The following CDC42BPG variants were observed in gnomAD, a reference collection of about 807,000 sequenced individuals.
CDC42BPG encodes serine/threonine-protein kinase MRCK gamma.
A neutral mutation model predicts 192.2 loss-of-function variants in CDC42BPG; 157 were observed. The observed-to-expected ratio is 0.82, with a 90% confidence interval of 0.72 to 0.93. The LOEUF (loss-of-function observed/expected upper bound fraction) is 0.93, where lower values mean the gene tolerates loss of function less well. Among genes scored for constraint, CDC42BPG ranks in the 40% least tolerant of loss-of-function variants. The probability of loss-of-function intolerance (pLI) is 0.00; values close to 1 mark genes in which losing one functional copy is unlikely to be tolerated. For missense variants in CDC42BPG, 1,992 were observed against 2,122.1 expected, an observed-to-expected ratio of 0.94 and a Z score of 1.20; for synonymous variants, 981 against 918.5, an observed-to-expected ratio of 1.07 and a Z score of -1.23.
rs747435636 is a variant in CDC42BPG, at chr11:64,835,856, G to A, written c.1669-5C>T. 5 of 1,606,578 alleles carry A rather than the reference G, an allele frequency of 3.1e-6. No homozygotes were observed. In the African/African-American group the frequency reaches 5.3e-5, roughly 17 times the overall value. ...GGAGGACACCTGGGCCTCCAGCTGT[G>A]AGGGGTGCAGAGGCAGGCCACTGCC... On this transcript the variant is annotated splice_region_variant and splice_polypyrimidine_tract_variant and intron_variant, in intron 13 of 36. Transcript: ENST00000342711.
In CDC42BPG at chr11:64,834,282, C is replaced by T; in HGVS notation, c.2397G>A (p.Arg799=). ...GCCACTCACCCACTGGCCCTCGGGCCCGCAGCTCCTCCCGCAGCATGGCGA... is the reference window on the plus strand; with the variant it reads ...GCCACTCACCCACTGGCCCTCGGGCTCGCAGCTCCTCCCGCAGCATGGCGA... The part of the protein sequence containing the change: ...QELAMLREEL[R]ARGPVDTKPS... The change falls in exon 20 of 37, where the codon CGG becomes CGA. Residue 799 remains arginine (R), a synonymous_variant. Coordinates refer to ENST00000342711, the MANE Select transcript of CDC42BPG (RefSeq NM_017525.3). 1 of 1,576,096 alleles carries T rather than the reference C, an allele frequency of 6.3e-7. No individual in the cohort carries two copies. The highest frequency in any genetic ancestry group is 8.6e-7 in the Non-Finnish European group (1 of 1,166,584).
intron 34 of CDC42BPG, 56 bp from the exon 35 acceptor site, chr11:64,826,850 G>T: frequency 6.9e-7 from 1 of 1,459,390 alleles, no homozygotes. Flanking sequence ...AGGACAAGAG[G>T]CCCAAGGCAC....
chr11:64,841,679 G>T lies in CDC42BPG; in HGVS notation c.307C>A (p.His103Asn). ...TGQIFAMKML[H>N]KWEMLKRAET... ...GCCCTCTTCAGCATCTCCCACTTGT[G>T]CAGCATTTTCATGGCAAAAATCTGC... The change falls in exon 3 of 37, where the codon CAC becomes AAC. Residue 103 changes from histidine (H) to asparagine (N), a missense_variant. His to Asn is a moderately conservative substitution (Grantham distance 68, BLOSUM62 1). This residue lies in a region of CDC42BPG where 1,656 missense variants were observed against 1,844.3 expected (regional missense o/e 0.90). Transcript: ENST00000342711. 1 of 1,613,448 alleles carries T rather than the reference G, an allele frequency of 6.2e-7. No individual in the cohort carries two copies. The highest frequency in any genetic ancestry group is 8.5e-7 in the Non-Finnish European group (1 of 1,179,922).
Position 64,831,704 on chromosome 11 carries a change from C to A in CDC42BPG, c.3105G>T (p.Leu1035=). Residue 1035 remains leucine (L), a synonymous_variant, in exon 28 of 37, where the codon CTG becomes CTT. Coordinates refer to ENST00000342711, the MANE Select transcript of CDC42BPG (RefSeq NM_017525.3). ...PRIFRVTTSQ[L]AVPPTTCTVL... is the part of the protein sequence containing the mutation. The stretch of plus-strand genomic sequence containing the variant: ...CAGTGCACGTGGTGGGCGGCACTGC[C>A]AGCTGGGAGGTTGTCACCTGTGGGC... The A allele has an allele frequency of 6.2e-7, 1 of 1,600,290 alleles. No individual in the cohort carries two copies. Among genetic ancestry groups the A allele is most frequent in the East Asian group, 2.2e-5 (1 of 44,538 alleles).
Position 64,842,469 on chromosome 11 carries a change from C to T in CDC42BPG, c.161-565G>A, listed in dbSNP as rs184295578. ...TAGGGCAGGGAGGACAGGCTCTATGCTTCCCACGTGGGGCCCCTCAGGCTG... is the reference window on the plus strand; with the variant it reads ...TAGGGCAGGGAGGACAGGCTCTATGTTTCCCACGTGGGGCCCCTCAGGCTG... On this transcript the variant is annotated intron_variant, in intron 1 of 36. Transcript: ENST00000342711. Among the ~76,000 whole-genome samples the T allele has an allele frequency of 2.2e-3, 340 of 152,280 alleles. 3 individuals are homozygous for T. Among genetic ancestry groups the T allele is most frequent in the Middle Eastern group, 0.017 (5 of 294 alleles).
At chr11:64,836,879 C>G (rs1943041397) in intron 10 of CDC42BPG, 43 bp downstream of exon 10, 1 of 1,610,352 alleles carries the variant, frequency 6.2e-7, no homozygotes, top group Non-Finnish European at 8.5e-7. Context: ...GCAGCAGCCC[C>G]TAGGGCCAGC....
At chr11:64,840,697 G>C (rs1192350229) in intron 3 of CDC42BPG, 49 bp from the exon 4 acceptor site, 1 of 1,541,120 alleles carries the variant, frequency 6.5e-7, no homozygotes, top group Non-Finnish European at 8.9e-7. Context: ...CAGAGCCCAG[G>C]ATGCCCCCCT....
intron 3 of CDC42BPG, 43 bp from the exon 4 acceptor site, chr11:64,840,691 G>A: frequency 6.4e-7 from 1 of 1,552,214 alleles, no homozygotes; most frequent in African/African-American, 1.4e-5. Flanking sequence ...TGGGATCAGA[G>A]CCCAGGATGC....
Position 64,834,418 on chromosome 11 carries a change from C to G in CDC42BPG, c.2324+11G>C. 1 of 1,563,246 alleles carries G rather than the reference C, an allele frequency of 6.4e-7. No individual in the cohort carries two copies. The highest frequency in any genetic ancestry group is 8.7e-7 in the Non-Finnish European group (1 of 1,155,612). On this transcript the variant is annotated intron_variant, in intron 19 of 36. Coordinates refer to ENST00000342711, the MANE Select transcript of CDC42BPG (RefSeq NM_017525.3). ...CGGGCCCTGGCCCCCAGTGCCTGCC[C>G]CTAGCCTCACCGCTCAGCCTGCAGC...
At chr11:64,840,349 G>C in intron 4 of CDC42BPG, 81 bp from the exon 5 acceptor site, 1 of 1,544,738 alleles carries the variant, frequency 6.5e-7, no homozygotes, top group Non-Finnish European at 8.7e-7. Context: ...GCTCTGGGAA[G>C]GCAGGCCTGC....
At position 64,836,975 on chromosome 11, in the gene CDC42BPG, C is replaced by T. The variant is rs1396542698; in HGVS notation, c.1250G>A (p.Arg417Gln). Residue 417 changes from arginine to glutamine, a missense_variant, in exon 10 of 37, where the codon CGG (arginine) becomes CAG (glutamine). Transcript: ENST00000342711. ...CTCCTGCTCCAGACACTGGAGCTTC[C>T]GCTCCAGGGCAGCCCAAGCCTCAGA... ...SSSEAWAALE[R>Q]KLQCLEQEKV... 1.7e-5 allele frequency: 27 copies of T among 1,613,374 alleles called. No homozygotes were observed. The highest frequency in any genetic ancestry group is 4.4e-5 in the South Asian group (4 of 91,086).
chr11:64,823,074 G>C lies in CDC42BPG; in HGVS notation c.*1399C>G. On this transcript the variant is annotated 3_prime_UTR_variant, in exon 37 of 37. Transcript: ENST00000342711. ...GCAGCTTACAAAGCTGTCTTTATTG[G>C]TTTCCTTTTCTTTTCTTTTTTTTTT... Among the ~76,000 whole-genome samples the C allele has an allele frequency of 6.7e-6, 1 of 148,238 alleles. No homozygotes were observed. The highest frequency in any genetic ancestry group is 1.5e-5 in the Non-Finnish European group (1 of 67,086).
In CDC42BPG at chr11:64,824,414, G is replaced by T; in HGVS notation, c.*59C>A. The T allele has an allele frequency of 8.6e-7, 1 of 1,168,490 alleles. No individual in the cohort carries two copies. Among genetic ancestry groups the T allele is most frequent in the Non-Finnish European group, 1.3e-6 (1 of 771,560 alleles). The allele number at this position is 1,168,490 out of a possible 1,614,324, so 72.4% of individuals were successfully genotyped here. ...CCAGCCGGAGTATGGCATTCCTCAA[G>T]CTCTTTGCTCCCTCATGTCCTTCTG... On this transcript the variant is annotated 3_prime_UTR_variant, in exon 37 of 37. Coordinates refer to ENST00000342711, the MANE Select transcript of CDC42BPG (RefSeq NM_017525.3).
At chr11:64,833,141 C>T in intron 24 of CDC42BPG, 90 bp downstream of exon 24, 1 of 1,260,460 alleles carries the variant, frequency 7.9e-7, no homozygotes, top group South Asian at 1.3e-5. Flanking sequence ...CAGCAGGTGC[C>T]AGTGACCCTG....
chr11:64,841,647 G>C lies in CDC42BPG; in HGVS notation c.336+3C>G, dbSNP rs769238875. 1 of 1,610,666 alleles carries C rather than the reference G, an allele frequency of 6.2e-7. No homozygotes were observed. The highest frequency in any genetic ancestry group is 1.1e-5 in the South Asian group (1 of 91,002). On this transcript the variant is annotated splice_donor_region_variant and intron_variant, in intron 3 of 36. Coordinates refer to ENST00000342711, the MANE Select transcript of CDC42BPG (RefSeq NM_017525.3). ...CCAAGGGCCCCCCAGACTCCACACT[G>C]ACCTCAGCCCTCTTCAGCATCTCCC...
At position 64,832,592 on chromosome 11, in the gene CDC42BPG, C is replaced by G; in HGVS notation, c.3005+12G>C. ...ACTAGTCCCTTGCCCCATGCCACTG[C>G]CCGGCACCTACCTCAGATCTAGGAC... On this transcript the variant is annotated intron_variant, in intron 26 of 36. Transcript: ENST00000342711. The G allele has an allele frequency of 6.2e-7, 1 of 1,614,018 alleles. No individual in the cohort carries two copies. The highest frequency in any genetic ancestry group is 8.5e-7 in the Non-Finnish European group (1 of 1,180,018).
chr11:64,828,985 GGTTGCAGTGAGCCGAGATCACACCAC>G, intron 30 of CDC42BPG, among the ~76,000 whole-genome samples: 1 of 151,794 alleles, frequency 6.6e-6, no homozygotes, highest in East Asian at 1.9e-4. Context: ...GGGAAGCAAA[GGTTGCAGTGAGCCGAGATCACACCAC>G]TGCACTCCAG....
Position 64,833,906 on chromosome 11 carries a change from C to T in CDC42BPG, c.2466+19G>A, listed in dbSNP as rs761673070. ...CTCCCAGAACTTCTCCCCAACAAGC[C>T]CCTTGGCCTGGTCCTTACCTCTGAG... On this transcript the variant is annotated intron_variant, in intron 21 of 36. Transcript: ENST00000342711. 1.9e-6 allele frequency: 3 copies of T among 1,614,208 alleles called. No individual in the cohort carries two copies. Among genetic ancestry groups the T allele is most frequent in the Middle Eastern group, 3.3e-4 (2 of 6,062 alleles).
In CDC42BPG at chr11:64,824,343, T is replaced by C. The variant is rs901571389; in HGVS notation, c.*130A>G. On this transcript the variant is annotated 3_prime_UTR_variant, in exon 37 of 37. Coordinates refer to ENST00000342711, the MANE Select transcript of CDC42BPG (RefSeq NM_017525.3). The stretch of plus-strand genomic sequence containing the variant: ...GGAACCCAGGCAAGTCTCCCAGTCA[T>C]TGCCCAGCCCGGGTCCTCCCTGAGT... 2.0e-5 allele frequency: 16 copies of C among 780,538 alleles called. No homozygotes were observed. In the South Asian group the frequency reaches 2.1e-4, roughly 10 times the overall value. The allele number at this position is 780,538 out of a possible 1,614,324, so 48.4% of individuals were successfully genotyped here.
Sources: gnomAD v4.1 joint callset for allele counts (sites outside exome capture counted in the v4.1 genomes callset) on GRCh38, gnomAD v4.1.1 for gene constraint, gnomAD v4.1.1 regional missense constraint, MANE v1.5 for transcripts, NCBI Gene and HGNC (gene_info 2026-07-23, HGNC 2026-07-21) for gene names.